The following NKAIN1 variants were observed in gnomAD, a reference collection of about 807,000 sequenced individuals.
NKAIN1 encodes sodium/potassium transporting ATPase interacting 1.
NKAIN1 carries 13 observed loss-of-function variants against 31.6 expected under a neutral mutation model. The observed-to-expected ratio is 0.41, with a 90% CI of 0.27 to 0.65. NKAIN1 has a LOEUF of 0.65. Ranked by LOEUF, NKAIN1 falls within the 30% of genes least tolerant of loss-of-function variation. The pLI is 0.30. For synonymous variants in NKAIN1, 104 were observed against 109.0 expected, an observed-to-expected ratio of 0.95 and a Z score of 0.28; for missense variants, 193 against 262.2, an observed-to-expected ratio of 0.74 and a Z score of 1.82.
At position 31,232,429 on chromosome 1, in the gene NKAIN1, A is replaced by ATATATATATATG. The variant is rs1434606033; in HGVS notation, c.54+7064_54+7065insCATATATATATA. On this transcript the variant is annotated intron_variant, in intron 1 of 6. Transcript: ENST00000373736. ...TATATATATATATATATATATAGAG[A>ATATATATATATG]GAGAGAGAGAGAGAGAGAGAGAGAG... Among the ~76,000 whole-genome samples the ATATATATATATG allele has an allele frequency of 1.7e-4, 9 of 51,460 alleles. 1 individual carries two copies. Among genetic ancestry groups the ATATATATATATG allele is most frequent in the African/African-American group, 9.8e-4 (9 of 9,188 alleles). The allele number at this position is 51,460 out of a possible 152,430, so 33.8% of individuals were successfully genotyped here.
rs149889346 is a variant in NKAIN1, at chr1:31,201,767, T to C, written c.55-13580A>G. Among the ~76,000 whole-genome samples, 954 of 152,280 alleles carry C rather than the reference T, an allele frequency of 6.3e-3. 16 individuals carry two copies. Among genetic ancestry groups the C allele is most frequent in the African/African-American group, 0.022 (920 of 41,550 alleles). On this transcript the variant is annotated intron_variant, in intron 1 of 6. Transcript: ENST00000373736. Reference sequence around the variant, plus strand: ...TCCAACCAGTCTGGGGCCAAACCCTTGCTCTTTTCCACCACTTCTTACCAA... The same window carrying C: ...TCCAACCAGTCTGGGGCCAAACCCTCGCTCTTTTCCACCACTTCTTACCAA...
At chr1:31,227,487 T>C (rs1211044475) in intron 1 of NKAIN1, among the ~76,000 whole-genome samples, 2 of 152,136 alleles carry the variant, frequency 1.3e-5, no homozygotes, top group Non-Finnish European at 2.9e-5. Context: ...CAGGGTGCCA[T>C]GAGGATGAAT....
intron 1 of NKAIN1, among the ~76,000 whole-genome samples, chr1:31,196,368 C>T (rs1394753044): frequency 6.6e-6 from 1 of 152,094 alleles, no homozygotes; most frequent in African/African-American, 2.4e-5. Context: ...AAAAAATTAG[C>T]CAGGCGTGGT....
rs1038494654 is a variant in NKAIN1 at position 31,191,409 on chromosome 1, T to G, written c.55-3222A>C. On this transcript the variant is annotated intron_variant, in intron 1 of 6. Transcript: ENST00000373736. ...TAGAAAACAGAGAGAGGTTTTTTTT[T>G]TTTTTTTTTTTTAAAGCAGTAGCAG... is the stretch of plus-strand genomic sequence containing the variant. Among the ~76,000 whole-genome samples, 128 of 151,640 alleles carry G rather than the reference T, an allele frequency of 8.4e-4. 1 individual carries two copies. Among genetic ancestry groups the G allele is most frequent in the Admixed American group, 3.4e-3 (52 of 15,240 alleles).
chr1:31,231,656 G>A (rs1002523035), intron 1 of NKAIN1, among the ~76,000 whole-genome samples: 4 of 151,772 alleles, frequency 2.6e-5, no homozygotes, highest in Non-Finnish European at 5.9e-5. Context: ...TCAGCCTCCC[G>A]AGTAGCTGGA....
intron 1 of NKAIN1, among the ~76,000 whole-genome samples, chr1:31,215,319 A>C (rs1034061772): frequency 4.1e-4 from 62 of 152,042 alleles, no homozygotes; most frequent in Non-Finnish European, 3.4e-4. Flanking sequence ...GATCCCCCTT[A>C]CCTACTTTCT....
At chr1:31,212,037 T>C (rs971047760) in intron 1 of NKAIN1, among the ~76,000 whole-genome samples, 2 of 152,052 alleles carry the variant, frequency 1.3e-5, no homozygotes, top group Non-Finnish European at 2.9e-5. Flanking sequence ...GACTCATACT[T>C]CCTGATTTCA....
rs890526744 is a variant in NKAIN1 at position 31,180,758 on chromosome 1, G to A, written c.*945C>T. On this transcript the variant is annotated 3_prime_UTR_variant, in exon 7 of 7. Transcript: ENST00000373736. ...GAGAGAGCTTGAAAGATTTGCCAAG[G>A]GTGGACAGAGGCTGAGTGTAGGAAG... The A allele has an allele frequency of 5.2e-5, 8 of 152,382 alleles. No homozygotes were observed. Among genetic ancestry groups the A allele is most frequent in the African/African-American group, 1.9e-4 (8 of 41,416 alleles). The allele number at this position is 152,382 out of a possible 1,614,324, so 9.4% of individuals were successfully genotyped here.
At chr1:31,199,494 G>A (rs1645359874) in intron 1 of NKAIN1, among the ~76,000 whole-genome samples, 1 of 152,140 alleles carries the variant, frequency 6.6e-6, no homozygotes, top group Non-Finnish European at 1.5e-5. Flanking sequence ...TGTGAAATGA[G>A]GGAGTGGGAT....
At chr1:31,222,053 A>AT (rs1645569477) in intron 1 of NKAIN1, among the ~76,000 whole-genome samples, 1 of 151,888 alleles carries the variant, frequency 6.6e-6, no homozygotes, top group Admixed American at 6.6e-5. Flanking sequence ...TAATTTTTGT[A>AT]TTTTTAGTAG....
chr1:31,231,720 CAG>C, intron 1 of NKAIN1, among the ~76,000 whole-genome samples: 1 of 150,862 alleles, frequency 6.6e-6, no homozygotes, highest in Non-Finnish European at 1.5e-5. Flanking sequence ...TTAGTAGAGA[CAG>C]GGTTTCACAG....
rs1181072817 is a variant in NKAIN1 at position 31,180,188 on chromosome 1, C to G, written c.*1515G>C. On this transcript the variant is annotated 3_prime_UTR_variant, in exon 7 of 7. Coordinates refer to ENST00000373736, the MANE Select transcript of NKAIN1 (RefSeq NM_024522.3). ...TGGGAGAGGAGCGGAATGGTCACCACAGACAGGCTCAGGTGTGCAAACCAT... is the reference window on the plus strand; with the variant it reads ...TGGGAGAGGAGCGGAATGGTCACCAGAGACAGGCTCAGGTGTGCAAACCAT... 6.6e-6 allele frequency: 1 copy of G among 152,464 alleles called. No homozygotes were observed. Among genetic ancestry groups the G allele is most frequent in the Admixed American group, 6.5e-5 (1 of 15,298 alleles). The allele number at this position is 152,464 out of a possible 1,614,324, so 9.4% of individuals were successfully genotyped here.
At chr1:31,231,793 G>A (rs1369247769) in intron 1 of NKAIN1, among the ~76,000 whole-genome samples, 1 of 152,150 alleles carries the variant, frequency 6.6e-6, no homozygotes, top group Non-Finnish European at 1.5e-5. Flanking sequence ...GCCTCCCAAA[G>A]TGCCGGGATT....
chr1:31,190,107 G>C (rs1482622847), intron 1 of NKAIN1, among the ~76,000 whole-genome samples: 1 of 152,220 alleles, frequency 6.6e-6, no homozygotes, highest in African/African-American at 2.4e-5. Flanking sequence ...AAGAGGGTCT[G>C]GCTGGGGAGG....
intron 1 of NKAIN1, among the ~76,000 whole-genome samples, chr1:31,199,145 G>T (rs1645356044): frequency 6.6e-6 from 1 of 152,196 alleles, no homozygotes; most frequent in Non-Finnish European, 1.5e-5. Context: ...GAAAGCTTTG[G>T]TCCAGCCTGG....
chr1:31,183,882 T>C lies in NKAIN1; in HGVS notation c.406A>G (p.Thr136Ala). ...TAGGGGTAGTCAAGCAGGCAGCCAG[T>C]GACAGAGATGACATGGTGGTCCTCC... Reference protein sequence around the residue: ...ALEDHHVISVTGCLLDYPYIE... With the variant: ...ALEDHHVISVAGCLLDYPYIE... The change falls in exon 4 of 7, where the codon ACT (threonine) becomes GCT (alanine). Residue 136 changes from threonine (T) to alanine (A), a missense_variant. Thr to Ala is a moderately conservative substitution (Grantham distance 58). Coordinates refer to ENST00000373736, the MANE Select transcript of NKAIN1 (RefSeq NM_024522.3). The C allele has an allele frequency of 3.7e-6, 6 of 1,614,064 alleles. No homozygotes were observed. Among genetic ancestry groups the C allele is most frequent in the East Asian group, 4.5e-5 (2 of 44,866 alleles).
chr1:31,225,033 C>CTTTTATTTTTTTTTTTTT (rs542671307), intron 1 of NKAIN1, among the ~76,000 whole-genome samples: 1 of 112,136 alleles, frequency 8.9e-6, no homozygotes, highest in African/African-American at 4.2e-5. Flanking sequence ...CTTTTCTTTT[C>CTTTTATTTTTTTTTTTTT]TTTTTTTTTT....
At chr1:31,229,775 C>A (rs546569840) in intron 1 of NKAIN1, among the ~76,000 whole-genome samples, 51 of 152,234 alleles carry the variant, frequency 3.4e-4, no homozygotes, top group African/African-American at 1.2e-3. Context: ...CTGCCTGCAA[C>A]AAGGTGGGCC....
intron 1 of NKAIN1, among the ~76,000 whole-genome samples, chr1:31,202,390 G>A (rs749999704): frequency 6.6e-6 from 1 of 152,128 alleles, no homozygotes; most frequent in Non-Finnish European, 1.5e-5. Flanking sequence ...AATCAGGCCG[G>A]GGACCAGGCA....
Sources: allele counts gnomAD v4.1 joint callset (sites outside exome capture counted in the v4.1 genomes callset), GRCh38; gene constraint gnomAD v4.1.1; transcripts MANE v1.5; gene names NCBI Gene and HGNC (gene_info 2026-07-23, HGNC 2026-07-21).